Variants in LRRC20 observed in about 807,000 individuals in gnomAD.
The protein encoded by LRRC20 is leucine rich repeat containing 20.
A neutral mutation model predicts 14.4 loss-of-function variants in LRRC20; 11 were observed. The observed-to-expected ratio is 0.77, with a 90% CI of 0.48 to 1.27. The LOEUF is 1.27. Among genes scored for constraint, LRRC20 ranks in the 50% most tolerant of loss-of-function variants. LRRC20 has a pLI of 0.00. For synonymous variants in LRRC20, 121 were observed against 107.3 expected (o/e 1.13, Z -0.79); for missense variants, 219 against 251.2 (o/e 0.87, Z 0.87).
rs1279731841 is a variant in LRRC20, at chr10:70,301,084, CAG to C, written c.*268_*269del. 1.8e-5 allele frequency: 23 copies of C among 1,258,686 alleles called. No homozygotes were observed. The highest frequency in any genetic ancestry group is 1.5e-5 in the Non-Finnish European group (15 of 1,001,804). The allele number at this position is 1,258,686 out of a possible 1,614,324, so 78.0% of individuals were successfully genotyped here. On this transcript the variant is annotated 3_prime_UTR_variant, in exon 5 of 5. Transcript: ENST00000446961. ...CCTGTTTTTTTCAAGTGACAAGGCTCAGAGAGGGCAGGAGATCTGCCTGAGTT... is the reference window on the plus strand; with the variant it reads ...CCTGTTTTTTTCAAGTGACAAGGCTCAGAGGGCAGGAGATCTGCCTGAGTT...
Position 70,339,482 on chromosome 10 carries a change from G to A in LRRC20, c.232+1071C>T, listed in dbSNP as rs534686122. On this transcript the variant is annotated intron_variant, in intron 3 of 4. Transcript: ENST00000446961. ...GGTGAGAGCGCAAGGAGGCTGGAAG[G>A]GGGGCATGGAGTTGGGGTCCATGTG... 1.6e-4 allele frequency among the ~76,000 whole-genome samples: 24 copies of A among 152,256 alleles called. No individual in the cohort carries two copies. In the East Asian group the frequency reaches 1.9e-3, roughly 12 times the overall value.
At chr10:70,338,256 T>G (rs1262952480) in intron 3 of LRRC20, among the ~76,000 whole-genome samples, 1 of 152,206 alleles carries the variant, frequency 6.6e-6, no homozygotes, top group African/African-American at 2.4e-5. Flanking sequence ...AGCTCCCTCC[T>G]GAGCCACTGT....
chr10:70,324,470 C>G (rs997323163), intron 3 of LRRC20, among the ~76,000 whole-genome samples: 1 of 152,246 alleles, frequency 6.6e-6, no homozygotes, highest in African/African-American at 2.4e-5. Flanking sequence ...AAGGAGCCAC[C>G]AGGGGCAGCC....
intron 1 of LRRC20, among the ~76,000 whole-genome samples, chr10:70,377,127 A>T (rs575943930): frequency 6.6e-6 from 1 of 152,208 alleles, no homozygotes; most frequent in Non-Finnish European, 1.5e-5. Flanking sequence ...GAGCCCTGTG[A>T]TCCCATCAGA....
Position 70,299,581 on chromosome 10 carries a change from C to A in LRRC20, c.*1773G>T, listed in dbSNP as rs1360068883. On this transcript the variant is annotated 3_prime_UTR_variant, in exon 5 of 5. Coordinates refer to ENST00000446961, the MANE Select transcript of LRRC20 (RefSeq NM_001278212.2). The stretch of plus-strand genomic sequence containing the variant: ...GGTCCACAGACCACACTTTGAGTTG[C>A]AAGGCTCTGGTCATACATTGTGTTT... The A allele has an allele frequency of 6.6e-6, 1 of 152,286 alleles. No homozygotes were observed. Among genetic ancestry groups the A allele is most frequent in the South Asian group, 2.1e-4 (1 of 4,824 alleles). 9.4% of individuals were successfully genotyped at this position (152,286 alleles called of 1,614,324 possible). A position where few individuals can be genotyped will look rare whatever the true frequency, so the allele number is the denominator to read the frequency against.
At chr10:70,315,112 T>G (rs1050969792) in intron 4 of LRRC20, among the ~76,000 whole-genome samples, 4 of 152,182 alleles carry the variant, frequency 2.6e-5, no homozygotes, top group Non-Finnish European at 5.9e-5. Context: ...AAGGTTGTCA[T>G]GAGGATTAAA....
At chr10:70,346,574 T>C (rs1487771613) in intron 2 of LRRC20, among the ~76,000 whole-genome samples, 1 of 152,220 alleles carries the variant, frequency 6.6e-6, no homozygotes, top group Non-Finnish European at 1.5e-5. Context: ...ATTGTTTCTC[T>C]TGTTGAATCA....
chr10:70,372,527 C>A (rs920736314), intron 2 of LRRC20, among the ~76,000 whole-genome samples: 1 of 150,788 alleles, frequency 6.6e-6, no homozygotes. Flanking sequence ...CTGCAGGCTC[C>A]ACCTCCCAGG....
At chr10:70,328,479 G>T (rs142683914) in intron 3 of LRRC20, among the ~76,000 whole-genome samples, 1 of 152,044 alleles carries the variant, frequency 6.6e-6, no homozygotes, top group East Asian at 1.9e-4. Flanking sequence ...GGATTTTTAC[G>T]AGAGACAGGG....
At chr10:70,308,500 G>A (rs751674242) in intron 4 of LRRC20, among the ~76,000 whole-genome samples, 59 of 152,186 alleles carry the variant, frequency 3.9e-4, no homozygotes, top group Non-Finnish European at 6.8e-4. Flanking sequence ...CAGGCTCTGC[G>A]TATGAGACCA....
chr10:70,340,310 A>AC (rs144349079), intron 3 of LRRC20, among the ~76,000 whole-genome samples: 2,225 of 152,196 alleles, frequency 0.015, 62 homozygotes, highest in African/African-American at 0.051. Context: ...CAAGAGAATC[A>AC]CTCCAGGAAC....
Position 70,340,667 on chromosome 10 carries a change from C to T in LRRC20, c.118G>A (p.Gly40Ser), listed in dbSNP as rs1454266137. 4 of 1,614,044 alleles carry T rather than the reference C, an allele frequency of 2.5e-6. No individual in the cohort carries two copies. The highest frequency in any genetic ancestry group is 2.7e-5 in the African/African-American group (2 of 74,896). ...ACATTCCGCAGGACCTTGTAGATGC[C>T]AATGGGAAAGGAGACCAGCTTGCAC... The part of the protein sequence containing the change: ...AECKLVSFPI[G>S]IYKVLRNVSG... Residue 40 changes from glycine (G) to serine (S), a missense_variant, in exon 3 of 5, where the codon GGC becomes AGC. Coordinates refer to ENST00000446961, the MANE Select transcript of LRRC20 (RefSeq NM_001278212.2).
At chr10:70,356,138 T>C (rs1175726716) in intron 2 of LRRC20, among the ~76,000 whole-genome samples, 1 of 152,242 alleles carries the variant, frequency 6.6e-6, no homozygotes, top group African/African-American at 2.4e-5. Context: ...AACTCTTTCT[T>C]GCTGTGGGAC....
intron 2 of LRRC20, among the ~76,000 whole-genome samples, chr10:70,349,093 G>A (rs886414208): frequency 6.6e-6 from 1 of 152,222 alleles, no homozygotes; most frequent in African/African-American, 2.4e-5. Flanking sequence ...GCTGTGGGAT[G>A]TCATCGAGAA....
At chr10:70,348,973 A>C (rs1336121599) in intron 2 of LRRC20, among the ~76,000 whole-genome samples, 1 of 152,254 alleles carries the variant, frequency 6.6e-6, no homozygotes, top group Admixed American at 6.5e-5. Context: ...CACTGCTGCC[A>C]GAGAACACAG....
rs142087546 is a variant in LRRC20, at chr10:70,301,260, G to GCCCC, written c.*90_*93dup. ...GTGCTGCTCGGCCCACCCGCCCCCA[G>GCCCC]CCCCCAGGCTTGGCCTCCCATGGGC... is the stretch of plus-strand genomic sequence containing the variant. On this transcript the variant is annotated 3_prime_UTR_variant, in exon 5 of 5. Transcript: ENST00000446961. 4 of 1,414,804 alleles carry GCCCC rather than the reference G, an allele frequency of 2.8e-6. No homozygotes were observed. The African/African-American group carries it at 5.8e-5, about 21-fold the overall frequency. 87.6% of individuals were successfully genotyped at this position (1,414,804 alleles called of 1,614,324 possible).
At chr10:70,309,154 C>G (rs1464328145) in intron 4 of LRRC20, among the ~76,000 whole-genome samples, 1 of 152,142 alleles carries the variant, frequency 6.6e-6, no homozygotes, top group Non-Finnish European at 1.5e-5. Context: ...CCTGATCACC[C>G]AGAGTAAGAA....
intron 4 of LRRC20, 39 bp from the exon 5 acceptor site, chr10:70,301,547 C>T: frequency 1.9e-6 from 3 of 1,599,728 alleles, no homozygotes; most frequent in African/African-American, 2.7e-5. Context: ...GTGGTGGAGG[C>T]CAACCAGACA....
chr10:70,357,398 C>T (rs796683413), intron 2 of LRRC20, among the ~76,000 whole-genome samples: 102 of 152,292 alleles, frequency 6.7e-4, no homozygotes, highest in African/African-American at 2.4e-3. Context: ...CAGGATCCAA[C>T]GAACAGGTGG....
Sources: allele counts gnomAD v4.1 joint callset (sites outside exome capture counted in the v4.1 genomes callset), GRCh38; gene constraint gnomAD v4.1.1; transcripts MANE v1.5; gene names NCBI Gene and HGNC (gene_info 2026-07-23, HGNC 2026-07-21).